Variants in STARD13 observed in about 807,000 individuals in gnomAD.
The protein encoded by STARD13 is StAR related lipid transfer domain containing 13.
In STARD13, 62 loss-of-function variants were observed where a neutral mutation model predicts 106.4. The ratio of observed to expected loss-of-function variants is 0.58; its 90% confidence interval spans 0.48 to 0.72. The LOEUF (loss-of-function observed/expected upper bound fraction) is 0.72, where lower values mean the gene tolerates loss of function less well. STARD13 is among the 30% of genes least tolerant of loss of function. STARD13 has a pLI of 0.00. For missense variants in STARD13, 1,387 were observed against 1,424.0 expected (o/e 0.97, Z 0.42); for synonymous variants, 565 against 553.0 (o/e 1.02, Z -0.31).
the STARD13 span, among the ~76,000 whole-genome samples, chr13:33,427,139 A>G: frequency 1.3e-5 from 2 of 152,334 alleles, no homozygotes; most frequent in South Asian, 4.1e-4. Flanking sequence ...GTTTAACACT[A>G]ATAATAATTA....
intron 4 of STARD13, among the ~76,000 whole-genome samples, chr13:33,139,120 T>C (rs1419320501): frequency 3.3e-5 from 5 of 152,220 alleles, no homozygotes; most frequent in Non-Finnish European, 7.3e-5. Flanking sequence ...GCAAGAACCA[T>C]GCCTCTTATA....
chr13:33,123,936 G>A (rs760629900), intron 7 of STARD13, among the ~76,000 whole-genome samples: 22 of 152,158 alleles, frequency 1.4e-4, no homozygotes, highest in Middle Eastern at 3.2e-3. Flanking sequence ...GGTTATTTGC[G>A]GATGTTCTCG....
intron 1 of STARD13, among the ~76,000 whole-genome samples, chr13:33,213,470 A>G (rs1887841088): frequency 6.6e-6 from 1 of 152,232 alleles, no homozygotes; most frequent in South Asian, 2.1e-4. Context: ...CCATCACATC[A>G]GCATCTTTCC....
At chr13:33,590,876 GT>G in the STARD13 span, among the ~76,000 whole-genome samples, 9 of 152,080 alleles carry the variant, frequency 5.9e-5, 1 homozygote, top group South Asian at 8.3e-4. Flanking sequence ...AATAATTTAA[GT>G]TTTTTTTAAC....
intron 1 of STARD13, among the ~76,000 whole-genome samples, chr13:33,209,833 C>T (rs1293442330): frequency 2.6e-5 from 4 of 151,908 alleles, no homozygotes; most frequent in Non-Finnish European, 5.9e-5. Flanking sequence ...ATTAGCCAGG[C>T]ATGGCAGCAT....
intron 1 of STARD13, among the ~76,000 whole-genome samples, chr13:33,231,101 A>G (rs1167718296): frequency 2.0e-5 from 3 of 152,150 alleles, no homozygotes; most frequent in African/African-American, 4.8e-5. Context: ...ATCTCAGGAC[A>G]CTCCTCAGTT....
intron 6 of STARD13, among the ~76,000 whole-genome samples, chr13:33,126,589 G>C (rs1439096772): frequency 6.6e-6 from 1 of 152,162 alleles, no homozygotes; most frequent in African/African-American, 2.4e-5. Context: ...AAAATTACAA[G>C]AGGAAGAAGA....
chr13:33,525,025 A>G, the STARD13 span, among the ~76,000 whole-genome samples: 1 of 151,956 alleles, frequency 6.6e-6, no homozygotes, highest in Non-Finnish European at 1.5e-5. Context: ...GTTTTATTTC[A>G]TGATTATTTT....
chr13:33,618,952 C>T, the STARD13 span, among the ~76,000 whole-genome samples: 11 of 151,960 alleles, frequency 7.2e-5, 1 homozygote, highest in Non-Finnish European at 4.4e-5. Flanking sequence ...TTTGTGGATT[C>T]ATGGCCAAGG....
the STARD13 span, among the ~76,000 whole-genome samples, chr13:33,618,507 A>T: frequency 1.6e-4 from 25 of 152,152 alleles, no homozygotes; most frequent in Non-Finnish European, 3.1e-4. Context: ...AAATGTGCAT[A>T]CATCCATTCA....
At chr13:33,507,965 A>T in the STARD13 span, among the ~76,000 whole-genome samples, 1 of 152,120 alleles carries the variant, frequency 6.6e-6, no homozygotes, top group African/African-American at 2.4e-5. Context: ...GAGGTGGAGG[A>T]AAATCCACAC....
rs777649172 is a variant in STARD13 at position 33,103,988 on chromosome 13, C to T, written c.*1605G>A. On this transcript the variant is annotated 3_prime_UTR_variant, in exon 14 of 14. Transcript: ENST00000336934. Reference sequence around the variant, plus strand: ...CTGTAAGATTTTCCTCGCACCATACCAAACTCATAGAAAGCTTTTTTATTC... The same window carrying T: ...CTGTAAGATTTTCCTCGCACCATACTAAACTCATAGAAAGCTTTTTTATTC... The T allele has an allele frequency of 9.9e-5, 15 of 152,156 alleles. No homozygotes were observed. Among genetic ancestry groups the T allele is most frequent in the Non-Finnish European group, 1.9e-4 (13 of 68,030 alleles). 9.4% of individuals were successfully genotyped at this position (152,156 alleles called of 1,614,324 possible).
upstream of STARD13, among the ~76,000 whole-genome samples, chr13:33,351,975 G>GA (rs2078083276): frequency 6.6e-6 from 1 of 152,174 alleles, no homozygotes; most frequent in Admixed American, 6.5e-5. Flanking sequence ...ATGATGGTAA[G>GA]AAATAGTCTT....
the STARD13 span, among the ~76,000 whole-genome samples, chr13:33,595,520 G>A: frequency 6.6e-6 from 1 of 152,122 alleles, no homozygotes; most frequent in African/African-American, 2.4e-5. Flanking sequence ...ATTATAAAAT[G>A]TGTTAATATA....
At chr13:33,583,203 A>G in the STARD13 span, among the ~76,000 whole-genome samples, 4 of 152,216 alleles carry the variant, frequency 2.6e-5, no homozygotes, top group African/African-American at 7.2e-5. Flanking sequence ...AATGTTAGTC[A>G]CCTTTACTAA....
the STARD13 span, among the ~76,000 whole-genome samples, chr13:33,603,722 T>G: frequency 6.6e-6 from 1 of 151,906 alleles, no homozygotes; most frequent in East Asian, 1.9e-4. Context: ...AGTAAACACA[T>G]TTTTGAAAAA....
intron 1 of STARD13, among the ~76,000 whole-genome samples, chr13:33,269,772 C>G (rs1891069282): frequency 6.6e-6 from 1 of 151,940 alleles, no homozygotes; most frequent in Admixed American, 6.6e-5. Context: ...CTTGACACTT[C>G]AGAATGAAGG....
At chr13:33,548,980 C>T in the STARD13 span, among the ~76,000 whole-genome samples, 2 of 151,766 alleles carry the variant, frequency 1.3e-5, no homozygotes, top group African/African-American at 4.8e-5. Context: ...ATCACAAAAG[C>T]AATCAGTAAT....
At chr13:33,557,028 A>T in the STARD13 span, among the ~76,000 whole-genome samples, 8 of 152,202 alleles carry the variant, frequency 5.3e-5, no homozygotes, top group African/African-American at 1.9e-4. Flanking sequence ...ATCAAACAGT[A>T]CCTAGCTGGA....
Sources: gnomAD v4.1 joint callset for allele counts (sites outside exome capture counted in the v4.1 genomes callset) on GRCh38, gnomAD v4.1.1 for gene constraint, MANE v1.5 for transcripts, NCBI Gene and HGNC (gene_info 2026-07-23, HGNC 2026-07-21) for gene names.